KCNQ5: variants seen among roughly 807,000 people sequenced by gnomAD.
KCNQ5 encodes the protein potassium voltage-gated channel subfamily KQT member 5.
A neutral mutation model predicts 98.2 loss-of-function variants in KCNQ5; 30 were observed. The observed-to-expected ratio is 0.31, with a 90% CI of 0.23 to 0.41. KCNQ5 has a LOEUF of 0.41. Among genes scored for constraint, KCNQ5 ranks in the 10% least tolerant of loss-of-function variants. The probability of loss-of-function intolerance (pLI) is 1.00; values close to 1 mark genes in which losing one functional copy is unlikely to be tolerated. For synonymous variants in KCNQ5, 458 were observed against 449.4 expected (o/e 1.02, Z -0.24); for missense variants, 835 against 1,182.5 (o/e 0.71, Z 4.31).
At position 73,194,491 on chromosome 6, in the gene KCNQ5, A is replaced by T; in HGVS notation, c.1876A>T (p.Ile626Phe). 11 of 1,614,180 alleles carry T rather than the reference A, an allele frequency of 6.8e-6. No homozygotes were observed. Among genetic ancestry groups the T allele is most frequent in the African/African-American group, 1.3e-5 (1 of 75,054 alleles). ...IESKLDCLLDIYQQVLRKGSA... is the reference protein window; with the variant it reads ...IESKLDCLLDFYQQVLRKGSA... ...ATCCAAGCTGGACTGCCTACTAGAC[A>T]TCTATCAACAGGTCCTTCGGAAAGG... The change falls in exon 14 of 14, where the codon ATC (isoleucine) becomes TTC (phenylalanine). Residue 626 changes from isoleucine (I) to phenylalanine (F), a missense_variant. Transcript: ENST00000370398.
At chr6:72,707,096 G>T (rs1189186368) in intron 1 of KCNQ5, among the ~76,000 whole-genome samples, 2 of 152,210 alleles carry the variant, frequency 1.3e-5, no homozygotes, top group Admixed American at 6.5e-5. Context: ...ACCAGCCAAG[G>T]TTTTCAACTG....
intron 2 of KCNQ5, among the ~76,000 whole-genome samples, chr6:73,032,838 A>G (rs1771212976): frequency 6.6e-6 from 1 of 152,188 alleles, no homozygotes; most frequent in East Asian, 1.9e-4. Flanking sequence ...TGGACAACAA[A>G]AAAAACCTCA....
At position 73,058,660 on chromosome 6, in the gene KCNQ5, G is replaced by T. The variant is rs529954747; in HGVS notation, c.616+16598G>T. Among the ~76,000 whole-genome samples, 15 of 152,282 alleles carry T rather than the reference G, an allele frequency of 9.9e-5. No homozygotes were observed. In the South Asian group the frequency reaches 1.7e-3, roughly 17 times the overall value. ...ATAGGAGAAAATATTTGCAAACTATGCATCTGACAAAGGTCTATTATCCGG... is the reference window on the plus strand; with the variant it reads ...ATAGGAGAAAATATTTGCAAACTATTCATCTGACAAAGGTCTATTATCCGG... On this transcript the variant is annotated intron_variant, in intron 3 of 13. Transcript: ENST00000370398.
chr6:72,724,299 ATACTAAATAGATGCT>A, intron 1 of KCNQ5, among the ~76,000 whole-genome samples: 1 of 152,342 alleles, frequency 6.6e-6, no homozygotes, highest in East Asian at 1.9e-4. Flanking sequence ...ATACTTGAAT[ATACTAAATAGATGCT>A]CCTTGTCATT....
chr6:72,701,023 T>A (rs186023120), intron 1 of KCNQ5, among the ~76,000 whole-genome samples: 1 of 152,358 alleles, frequency 6.6e-6, no homozygotes, highest in East Asian at 1.9e-4. Flanking sequence ...ATTGTAGACA[T>A]GCAACAGCAA....
intron 1 of KCNQ5, among the ~76,000 whole-genome samples, chr6:72,776,480 AT>A (rs956548248): frequency 9.2e-5 from 14 of 152,180 alleles, no homozygotes; most frequent in African/African-American, 3.4e-4. Context: ...GAAATAGGGA[AT>A]TTTTTTGTTA....
At chr6:72,852,944 A>ACAGT (rs993685494) in intron 1 of KCNQ5, among the ~76,000 whole-genome samples, 3 of 151,982 alleles carry the variant, frequency 2.0e-5, no homozygotes, top group African/African-American at 7.2e-5. Flanking sequence ...TCCCAACTTC[A>ACAGT]CAGTCAGTGA....
intron 1 of KCNQ5, among the ~76,000 whole-genome samples, chr6:72,799,127 A>G (rs1217940155): frequency 1.3e-5 from 2 of 152,074 alleles, no homozygotes; most frequent in African/African-American, 4.8e-5. Flanking sequence ...GATTGCTTTC[A>G]AGGAATTTGC....
chr6:72,950,510 A>G (rs1246962122), intron 1 of KCNQ5, among the ~76,000 whole-genome samples: 1 of 152,190 alleles, frequency 6.6e-6, no homozygotes, highest in Non-Finnish European at 1.5e-5. Flanking sequence ...CCATGCATGA[A>G]TCACAGGAAC....
intron 3 of KCNQ5, among the ~76,000 whole-genome samples, chr6:73,075,608 T>C (rs1773504886): frequency 6.6e-6 from 1 of 152,244 alleles, no homozygotes; most frequent in Non-Finnish European, 1.5e-5. Context: ...GCAACTGGCC[T>C]TTATTCACTT....
At chr6:72,836,192 A>T (rs1299909692) in intron 1 of KCNQ5, among the ~76,000 whole-genome samples, 4 of 152,290 alleles carry the variant, frequency 2.6e-5, no homozygotes, top group East Asian at 1.9e-4. Context: ...GATGAATCTA[A>T]TCAGAGAGTG....
intron 1 of KCNQ5, among the ~76,000 whole-genome samples, chr6:72,793,006 T>C (rs1000258157): frequency 6.6e-6 from 1 of 152,190 alleles, no homozygotes; most frequent in African/African-American, 2.4e-5. Flanking sequence ...AGTTTTTTTA[T>C]GGGTGAGACA....
intron 2 of KCNQ5, among the ~76,000 whole-genome samples, chr6:73,008,464 T>C (rs1168192011): frequency 6.6e-6 from 1 of 152,064 alleles, no homozygotes; most frequent in Non-Finnish European, 1.5e-5. Flanking sequence ...GAGGTGGCTA[T>C]ACTAATAACA....
At chr6:73,183,380 G>GT (rs1222910842) in intron 11 of KCNQ5, among the ~76,000 whole-genome samples, 2 of 152,148 alleles carry the variant, frequency 1.3e-5, no homozygotes, top group Non-Finnish European at 2.9e-5. Flanking sequence ...CAGAATGCAG[G>GT]TAAAGTACTT....
intron 1 of KCNQ5, among the ~76,000 whole-genome samples, chr6:72,635,459 A>G (rs2098923479): frequency 6.6e-6 from 1 of 152,202 alleles, no homozygotes; most frequent in African/African-American, 2.4e-5. Context: ...ATGGCTGAAT[A>G]TAGAACATGT....
intron 1 of KCNQ5, among the ~76,000 whole-genome samples, chr6:72,995,222 G>A (rs1000337812): frequency 6.6e-6 from 1 of 152,034 alleles, no homozygotes; most frequent in East Asian, 1.9e-4. Context: ...TGCAAAATTA[G>A]CCAGGCATGG....
intron 5 of KCNQ5, among the ~76,000 whole-genome samples, chr6:73,096,014 C>T (rs1160239115): frequency 5.3e-5 from 8 of 152,104 alleles, no homozygotes; most frequent in African/African-American, 1.2e-4. Flanking sequence ...CACAACAGGT[C>T]GTCTGCAAGC....
intron 1 of KCNQ5, among the ~76,000 whole-genome samples, chr6:72,962,256 CATATATATATACATAT>C (rs2150270322): frequency 7.0e-6 from 1 of 142,928 alleles, no homozygotes; most frequent in African/African-American, 2.6e-5. Flanking sequence ...TATATACACA[CATATATATATACATAT>C]ATATATATAT....
intron 1 of KCNQ5, among the ~76,000 whole-genome samples, chr6:72,899,506 ACACACATT>A (rs1249955372): frequency 6.6e-6 from 1 of 152,186 alleles, no homozygotes; most frequent in Admixed American, 6.5e-5. Flanking sequence ...ATAGATTTAT[ACACACATT>A]CTGCACTGTG....
Sources: allele counts gnomAD v4.1 joint callset (sites outside exome capture counted in the v4.1 genomes callset), GRCh38; gene constraint gnomAD v4.1.1; transcripts MANE v1.5; gene names NCBI Gene and HGNC (gene_info 2026-07-23, HGNC 2026-07-21).